DNAH11: variants seen among roughly 807,000 people sequenced by gnomAD.
DNAH11 encodes the protein axonemal beta dynein heavy chain 11.
Under a neutral mutation model 526.0 loss-of-function variants are expected in DNAH11, and 442 were observed. The observed-to-expected ratio is 0.84, with a 90% CI of 0.78 to 0.91. The LOEUF (loss-of-function observed/expected upper bound fraction) is 0.91, where lower values mean the gene tolerates loss of function less well. DNAH11 is among the 40% of genes least tolerant of loss of function. The pLI, the probability that DNAH11 is intolerant of heterozygous loss-of-function variation, is 0.00. For missense variants in DNAH11, 6,989 were observed against 5,448.7 expected (o/e 1.28, Z -8.90); for synonymous variants, 2,461 against 1,935.9 (o/e 1.27, Z -7.12).
In DNAH11 at chr7:21,894,661, A is replaced by G. The variant is rs757399457; in HGVS notation, c.12789A>G (p.Pro4263=). The G allele has an allele frequency of 6.8e-6, 11 of 1,613,930 alleles. No homozygotes were observed. The Admixed American group carries it at 1.0e-4, about 15-fold the overall frequency. The stretch of plus-strand genomic sequence containing the variant: ...TGGATGACATTTTGGAGAAACTTCC[A>G]GAAGAGTTCAACATGGCAGAGATAA... ...NVLDDILEKL[P]EEFNMAEIMQ... is the part of the protein sequence containing the mutation. Residue 4263 remains proline, a synonymous_variant, in exon 78 of 82, where the codon CCA becomes CCG. Coordinates refer to ENST00000409508, the MANE Select transcript of DNAH11 (RefSeq NM_001277115.2).
intron 73 of DNAH11, among the ~76,000 whole-genome samples, 155 bp from the exon 74 acceptor site, chr7:21,873,119 T>A (rs1783563917): frequency 6.6e-6 from 1 of 151,958 alleles, no homozygotes. Flanking sequence ...TATTGATGTA[T>A]TGATAAAGGA....
intron 5 of DNAH11, among the ~76,000 whole-genome samples, chr7:21,563,927 G>A (rs371195138): frequency 6.6e-6 from 1 of 152,006 alleles, no homozygotes; most frequent in Non-Finnish European, 1.5e-5. Flanking sequence ...TTTCCCCTTG[G>A]GTTTTCCATC....
intron 81 of DNAH11, 115 bp from the exon 82 acceptor site, chr7:21,900,892 G>GCAAAAATATGA: frequency 6.8e-7 from 1 of 1,470,272 alleles, no homozygotes. Context: ...CCACTGACAA[G>GCAAAAATATGA]CAAAAATATG....
At chr7:21,876,307 T>C (rs1299085343) in intron 74 of DNAH11, among the ~76,000 whole-genome samples, 2 of 152,174 alleles carry the variant, frequency 1.3e-5, no homozygotes, top group African/African-American at 4.8e-5. Context: ...ATCAAACCTA[T>C]CTTAGCCAGA....
intron 77 of DNAH11, among the ~76,000 whole-genome samples, chr7:21,893,991 C>T (rs569560059): frequency 6.6e-6 from 1 of 152,198 alleles, no homozygotes; most frequent in Non-Finnish European, 1.5e-5. Flanking sequence ...CGGATTCAAG[C>T]GATTTTCGTG....
chr7:21,628,831 A>G (rs923709553), intron 25 of DNAH11, among the ~76,000 whole-genome samples: 6 of 152,000 alleles, frequency 3.9e-5, no homozygotes, highest in Admixed American at 3.3e-4. Flanking sequence ...AGGCTTATCA[A>G]TTTTATCTTT....
chr7:21,549,962 A>G (rs7806698), intron 2 of DNAH11, among the ~76,000 whole-genome samples: 100,955 of 151,980 alleles, frequency 0.66, 35,387 homozygotes, highest in East Asian at 0.95. Context: ...AACCTGATTG[A>G]GTAGGGGGGA....
chr7:21,597,565 A>G (rs139184562), intron 14 of DNAH11, among the ~76,000 whole-genome samples: 11 of 152,318 alleles, frequency 7.2e-5, no homozygotes, highest in South Asian at 2.1e-4. Context: ...TCCGTCTTAC[A>G]TGGTGGCAGG....
At chr7:21,553,698 A>T (rs1783108156) in intron 2 of DNAH11, among the ~76,000 whole-genome samples, 1 of 151,988 alleles carries the variant, frequency 6.6e-6, no homozygotes, top group Non-Finnish European at 1.5e-5. Flanking sequence ...TTTTCCATGT[A>T]TTTCACCTCT....
At chr7:21,743,038 T>C (rs1183881704) in intron 49 of DNAH11, among the ~76,000 whole-genome samples, 2 of 152,176 alleles carry the variant, frequency 1.3e-5, no homozygotes, top group Non-Finnish European at 2.9e-5. Flanking sequence ...CCCCTTTCAT[T>C]AGATCACGTT....
intron 4 of DNAH11, 128 bp from the exon 5 acceptor site, chr7:21,560,943 T>A (rs984374385): frequency 3.1e-5 from 20 of 643,580 alleles, no homozygotes; most frequent in Non-Finnish European, 4.7e-5. Context: ...AAACCAGATA[T>A]AACTTTGAGT....
intron 25 of DNAH11, among the ~76,000 whole-genome samples, chr7:21,632,950 A>G (rs1439248891): frequency 6.6e-6 from 1 of 152,198 alleles, no homozygotes; most frequent in East Asian, 1.9e-4. Flanking sequence ...TAAAAGAAAG[A>G]GGTTTATTGG....
chr7:21,808,278 A>G (rs907999599), intron 63 of DNAH11, among the ~76,000 whole-genome samples: 1 of 152,106 alleles, frequency 6.6e-6, no homozygotes, highest in African/African-American at 2.4e-5. Context: ...ATACTCATAT[A>G]TATTTTTGGG....
Position 21,749,677 on chromosome 7 carries a change from G to T in DNAH11, c.8674-1G>T. The T allele has an allele frequency of 6.2e-7, 1 of 1,613,856 alleles. No homozygotes were observed. Among genetic ancestry groups the T allele is most frequent in the Non-Finnish European group, 8.5e-7 (1 of 1,179,832 alleles). ...ACATGAGTGATGGCCTTTCCTTACA[G>T]GTAGATCTTGCCAATTTGTACATCC... On this transcript the variant is annotated splice_acceptor_variant, in intron 52 of 81. Transcript: ENST00000409508. LOFTEE classifies it high-confidence loss of function.
intron 30 of DNAH11, among the ~76,000 whole-genome samples, chr7:21,678,690 G>A (rs1472725535): frequency 6.6e-6 from 1 of 152,062 alleles, no homozygotes; most frequent in Non-Finnish European, 1.5e-5. Context: ...TAATCCAAGG[G>A]CATAGGATCA....
intron 25 of DNAH11, among the ~76,000 whole-genome samples, chr7:21,634,002 C>T (rs1056576155): frequency 1.3e-5 from 2 of 152,182 alleles, no homozygotes; most frequent in Admixed American, 1.3e-4. Flanking sequence ...GCACATGATA[C>T]ATGGTCTTGA....
chr7:21,793,615 CAAA>C (rs35648252), intron 61 of DNAH11, among the ~76,000 whole-genome samples: 3 of 106,152 alleles, frequency 2.8e-5, no homozygotes. Flanking sequence ...GACTCTGTCT[CAAA>C]AAAAAAAAAA....
intron 8 of DNAH11, among the ~76,000 whole-genome samples, chr7:21,579,145 C>T (rs984909318): frequency 2.0e-5 from 3 of 152,174 alleles, no homozygotes; most frequent in African/African-American, 7.2e-5. Flanking sequence ...GACACTAAGT[C>T]AAACCATGGC....
intron 61 of DNAH11, among the ~76,000 whole-genome samples, chr7:21,792,847 TA>T (rs1788535374): frequency 6.6e-6 from 1 of 152,192 alleles, no homozygotes; most frequent in African/African-American, 2.4e-5. Context: ...ATTTCATTGA[TA>T]TTTTGTATTT....
Sources: allele counts gnomAD v4.1 joint callset (sites outside exome capture counted in the v4.1 genomes callset), GRCh38; gene constraint gnomAD v4.1.1; transcripts MANE v1.5; gene names NCBI Gene and HGNC (gene_info 2026-07-23, HGNC 2026-07-21).